The following ZNF609 variants were observed in gnomAD, a reference collection of about 807,000 sequenced individuals.
The protein encoded by ZNF609 is zinc finger protein 609.
ZNF609 carries 11 observed loss-of-function variants against 109.5 expected under a neutral mutation model. The observed-to-expected ratio is 0.10, with a 90% CI of 0.06 to 0.17. The LOEUF is 0.17. Among genes scored for constraint, ZNF609 ranks in the 10% least tolerant of loss-of-function variants. The pLI is 1.00. For synonymous variants in ZNF609, 646 were observed against 662.0 expected (o/e 0.98, Z 0.37); for missense variants, 1,559 against 1,772.4 (o/e 0.88, Z 2.16).
Position 64,550,128 on chromosome 15 carries a change from G to GT in ZNF609, c.747+49969dup, listed in dbSNP as rs943384342. Among the ~76,000 whole-genome samples, 21 of 151,768 alleles carry GT rather than the reference G, an allele frequency of 1.4e-4. No homozygotes were observed. The South Asian group carries it at 2.3e-3, about 17-fold the overall frequency. On this transcript the variant is annotated intron_variant, in intron 2 of 9. Transcript: ENST00000326648. ...CACCACACCCAGCTAATTTTTTTCT[G>GT]TTTTTTTGTAGAAATGGGGTCTCAC...
At chr15:64,554,398 TG>T (rs1412879622) in intron 2 of ZNF609, among the ~76,000 whole-genome samples, 44 of 152,140 alleles carry the variant, frequency 2.9e-4, no homozygotes, top group Admixed American at 2.2e-3. Context: ...TCCCAGTACT[TG>T]GGAGGCCAAG....
chr15:64,587,941 T>G (rs544072653), intron 2 of ZNF609, among the ~76,000 whole-genome samples: 1 of 151,816 alleles, frequency 6.6e-6, no homozygotes, highest in African/African-American at 2.4e-5. Flanking sequence ...GGTTTTTCCA[T>G]GTTGGTCAGG....
intron 3 of ZNF609, among the ~76,000 whole-genome samples, chr15:64,638,034 C>A (rs866875210): frequency 7.5e-6 from 1 of 133,932 alleles, no homozygotes; most frequent in South Asian, 2.5e-4. Flanking sequence ...TATAAAAATA[C>A]ATATATATAT....
At chr15:64,622,775 C>A in intron 2 of ZNF609, 52 bp from the exon 3 acceptor site, 1 of 1,452,828 alleles carries the variant, frequency 6.9e-7, no homozygotes, top group Non-Finnish European at 9.7e-7. Flanking sequence ...AAAGGTATTT[C>A]CTCTAAATGT....
chr15:64,610,434 A>G (rs1013449522), intron 2 of ZNF609, among the ~76,000 whole-genome samples: 1 of 152,146 alleles, frequency 6.6e-6, no homozygotes, highest in African/African-American at 2.4e-5. Flanking sequence ...CCCCAGTGAC[A>G]GTTTACCTGT....
At chr15:64,650,483 T>G (rs1896400680) in intron 3 of ZNF609, among the ~76,000 whole-genome samples, 1 of 151,818 alleles carries the variant, frequency 6.6e-6, no homozygotes, top group African/African-American at 2.4e-5. Flanking sequence ...ATCAAATAAG[T>G]TCAGTCATGA....
chr15:64,649,489 C>A (rs1417713268), intron 3 of ZNF609, among the ~76,000 whole-genome samples: 1 of 152,116 alleles, frequency 6.6e-6, no homozygotes, highest in East Asian at 1.9e-4. Context: ...AGATTCTTAT[C>A]TTTGGAAGGA....
intron 3 of ZNF609, among the ~76,000 whole-genome samples, chr15:64,664,925 T>G (rs1896626186): frequency 1.3e-5 from 2 of 152,236 alleles, no homozygotes; most frequent in Non-Finnish European, 2.9e-5. Context: ...GTGTGCCTGC[T>G]CTCTGTGTAC....
In ZNF609 at chr15:64,559,810, T is replaced by A. The variant is rs80023694; in HGVS notation, c.747+59644T>A. Among the ~76,000 whole-genome samples, 644 of 152,374 alleles carry A rather than the reference T, an allele frequency of 4.2e-3. 9 individuals carry two copies. Among genetic ancestry groups the A allele is most frequent in the African/African-American group, 0.015 (612 of 41,588 alleles). The stretch of plus-strand genomic sequence containing the variant: ...AGTTTACTATGTGCCTTCACAGATA[T>A]CTCGTTTAATATTCTACCTTCCTTT... On this transcript the variant is annotated intron_variant, in intron 2 of 9. Transcript: ENST00000326648.
intron 2 of ZNF609, among the ~76,000 whole-genome samples, chr15:64,617,646 G>A (rs1174169086): frequency 1.3e-5 from 2 of 152,112 alleles, no homozygotes; most frequent in African/African-American, 4.8e-5. Flanking sequence ...CAGGCATGGT[G>A]GTGGGAGCCT....
intron 3 of ZNF609, among the ~76,000 whole-genome samples, chr15:64,660,534 CTGTG>C (rs569886645): frequency 1.9e-4 from 29 of 152,178 alleles, no homozygotes; most frequent in Non-Finnish European, 3.5e-4. Flanking sequence ...ATGACGGAGA[CTGTG>C]TGGCCTGCAA....
chr15:64,523,126 T>C (rs1425961868), intron 2 of ZNF609, among the ~76,000 whole-genome samples: 2 of 152,190 alleles, frequency 1.3e-5, no homozygotes, highest in African/African-American at 4.8e-5. Flanking sequence ...GGTATAAGCA[T>C]TTCCAAAAGA....
intron 7 of ZNF609, 84 bp downstream of exon 7, chr15:64,680,444 G>T: frequency 6.5e-7 from 1 of 1,534,470 alleles, no homozygotes; most frequent in Non-Finnish European, 8.9e-7. Flanking sequence ...GGCAAGTTCA[G>T]GTCCTGACCA....
chr15:64,478,296 G>A (rs1893201339), intron 1 of ZNF609, among the ~76,000 whole-genome samples: 1 of 151,458 alleles, frequency 6.6e-6, no homozygotes, highest in African/African-American at 2.4e-5. Context: ...AAACTCATAG[G>A]CTTGAGCTGT....
intron 2 of ZNF609, among the ~76,000 whole-genome samples, chr15:64,541,243 C>T (rs1179619848): frequency 6.7e-6 from 1 of 149,916 alleles, no homozygotes; most frequent in African/African-American, 2.5e-5. Context: ...CTGGCTAACA[C>T]GGTGAAACCC....
intron 2 of ZNF609, among the ~76,000 whole-genome samples, chr15:64,544,787 C>T (rs1894328500): frequency 6.6e-6 from 1 of 152,182 alleles, no homozygotes; most frequent in South Asian, 2.1e-4. Flanking sequence ...AGCATGAAAG[C>T]CATGAGCCAG....
chr15:64,587,639 CA>C (rs1895219445), intron 2 of ZNF609, among the ~76,000 whole-genome samples: 1 of 152,120 alleles, frequency 6.6e-6, no homozygotes, highest in African/African-American at 2.4e-5. Context: ...TCAGGCACAG[CA>C]CTAACCCCTG....
chr15:64,548,958 G>T (rs1243880228), intron 2 of ZNF609, among the ~76,000 whole-genome samples: 2 of 152,138 alleles, frequency 1.3e-5, no homozygotes, highest in African/African-American at 2.4e-5. Context: ...GCAAAGATGG[G>T]TATATGGATA....
intron 2 of ZNF609, among the ~76,000 whole-genome samples, chr15:64,601,495 TAAATA>T (rs1895497185): frequency 6.6e-6 from 1 of 152,172 alleles, no homozygotes; most frequent in Non-Finnish European, 1.5e-5. Context: ...GATCTAAAAA[TAAATA>T]AAATTATTGA....
Sources: allele counts gnomAD v4.1 joint callset (sites outside exome capture counted in the v4.1 genomes callset), GRCh38; gene constraint gnomAD v4.1.1; transcripts MANE v1.5; gene names NCBI Gene and HGNC (gene_info 2026-07-23, HGNC 2026-07-21).